POLQ: variants seen among roughly 807,000 people sequenced by gnomAD.
POLQ encodes the protein DNA polymerase theta.
A neutral mutation model predicts 259.2 loss-of-function variants in POLQ; 233 were observed. The ratio of observed to expected loss-of-function variants is 0.90; its 90% CI spans 0.81 to 1.00. POLQ has a LOEUF of 1.00. Ranked by LOEUF, POLQ falls within the 50% of genes least tolerant of loss-of-function variation. The pLI is 0.00. For synonymous variants in POLQ, 1,025 were observed against 1,048.8 expected (o/e 0.98, Z 0.44); for missense variants, 2,871 against 3,051.6 (o/e 0.94, Z 1.39).
chr3:121,545,001 G>A (rs1248087091), intron 1 of POLQ, 95 bp from the exon 2 acceptor site: 3 of 712,202 alleles, frequency 4.2e-6, no homozygotes, highest in African/African-American at 3.6e-5. Context: ...CCTATGTGTT[G>A]AAATGAAGCT....
In POLQ at chr3:121,496,980, T is replaced by A. The variant is rs748749002; in HGVS notation, c.2154-48A>T. ...GTGGTAAGAGATCCTTCACGTCTAC[T>A]AGGCGATACAGTGTGTTGAAAAATG... On this transcript the variant is annotated intron_variant, in intron 13 of 29. Coordinates refer to ENST00000264233, the MANE Select transcript of POLQ (RefSeq NM_199420.4). The A allele has an allele frequency of 2.5e-6, 4 of 1,597,124 alleles. No homozygotes were observed. The African/African-American group carries it at 4.0e-5, about 16-fold the overall frequency.
chr3:121,529,763 AC>A lies in POLQ; in HGVS notation c.989del (p.Cys330PhefsTer43). 1 of 1,612,158 alleles carries A rather than the reference AC, an allele frequency of 6.2e-7. No individual in the cohort carries two copies. On this transcript the variant is annotated frameshift_variant, in exon 7 of 30. Coordinates refer to ENST00000264233, the MANE Select transcript of POLQ (RefSeq NM_199420.4). LOFTEE classifies it high-confidence loss of function. ...AATGGTTATCACAAATCGTCTCATA[AC>A]ATAAACTAACAACATGGTCCTCATC... ...KGDEDHVVSL[C>X]YETICDNHSV... is the part of the protein sequence containing the mutation.
intron 14 of POLQ, chr3:121,494,864 C>T (rs1576416836): frequency 1.3e-6 from 2 of 1,584,756 alleles, no homozygotes; most frequent in Non-Finnish European, 1.7e-6. Flanking sequence ...TATCACCAAG[C>T]TCGAAAAGGC....
chr3:121,525,678 G>T (rs755957568), intron 7 of POLQ, among the ~76,000 whole-genome samples: 2 of 152,168 alleles, frequency 1.3e-5, no homozygotes, highest in African/African-American at 4.8e-5. Flanking sequence ...CATAAAAAAA[G>T]TCAGAAGCAG....
chr3:121,518,491 C>T (rs1032428618), intron 9 of POLQ, among the ~76,000 whole-genome samples: 1 of 152,198 alleles, frequency 6.6e-6, no homozygotes, highest in Non-Finnish European at 1.5e-5. Flanking sequence ...TTTCGCAGAT[C>T]TGCATATGTC....
At chr3:121,436,988 C>G (rs2047549393) in intron 27 of POLQ, among the ~76,000 whole-genome samples, 1 of 151,936 alleles carries the variant, frequency 6.6e-6, no homozygotes, top group Non-Finnish European at 1.5e-5. Flanking sequence ...ATTCCCGGTG[C>G]CCCAAAATAT....
In POLQ at chr3:121,488,936, A is replaced by G. The variant is rs764440273; in HGVS notation, c.3995T>C (p.Ile1332Thr). The G allele has an allele frequency of 1.9e-6, 3 of 1,614,118 alleles. No homozygotes were observed. The highest frequency in any genetic ancestry group is 2.5e-6 in the Non-Finnish European group (3 of 1,179,970). ...FYLDTQSEKI[I>T]QQMATENAKL... ...GGCATTTTCAGTTGCCATCTGTTGT[A>G]TTATTTTCTCTGACTGAGTATCCAG... Residue 1332 changes from isoleucine (I) to threonine (T), a missense_variant, in exon 16 of 30, where the codon ATA (isoleucine) becomes ACA (threonine). Ile to Thr is a moderately conservative substitution (Grantham distance 89). Transcript: ENST00000264233.
chr3:121,539,974 C>G (rs2048479150), intron 3 of POLQ, among the ~76,000 whole-genome samples: 1 of 151,918 alleles, frequency 6.6e-6, no homozygotes, highest in South Asian at 2.1e-4. Context: ...GGAAAATAGT[C>G]TCATTATCCT....
chr3:121,465,055 C>T (rs907469568), intron 24 of POLQ, among the ~76,000 whole-genome samples: 2 of 151,212 alleles, frequency 1.3e-5, no homozygotes, highest in Non-Finnish European at 2.9e-5. Context: ...TTCTGGTACT[C>T]AATTCAGTTA....
intron 25 of POLQ, among the ~76,000 whole-genome samples, chr3:121,457,786 G>T (rs1349455550): frequency 6.6e-6 from 1 of 152,138 alleles, no homozygotes; most frequent in Non-Finnish European, 1.5e-5. Flanking sequence ...CACTGTTGGT[G>T]GGACTGTAAA....
chr3:121,494,079 T>C (rs749662382), intron 14 of POLQ: 10 of 671,892 alleles, frequency 1.5e-5, no homozygotes, highest in Admixed American at 4.7e-5. Flanking sequence ...CTTAAAAACA[T>C]GTAAAGGTCT....
chr3:121,482,166 GCTA>G (rs1164138603), intron 18 of POLQ, among the ~76,000 whole-genome samples: 3 of 152,168 alleles, frequency 2.0e-5, no homozygotes, highest in Admixed American at 6.5e-5. Context: ...TTTGGGCTAA[GCTA>G]CTGTAATAAA....
At position 121,516,120 on chromosome 3, in the gene POLQ, A is replaced by G. The variant is rs149355935; in HGVS notation, c.1468+3751T>C. Among the ~76,000 whole-genome samples the G allele has an allele frequency of 2.2e-4, 33 of 152,064 alleles. No individual in the cohort carries two copies. In the East Asian group the frequency reaches 3.5e-3, roughly 16 times the overall value. ...GTTGGAGGGATGAGAAGATGGTCAA[A>G]GAGTACAATGTTTCAGTTAGACAGG... On this transcript the variant is annotated intron_variant, in intron 9 of 29. Transcript: ENST00000264233.
intron 28 of POLQ, among the ~76,000 whole-genome samples, 171 bp from the exon 29 acceptor site, chr3:121,433,204 C>T (rs935178732): frequency 2.6e-5 from 4 of 152,134 alleles, no homozygotes; most frequent in South Asian, 2.1e-4. Context: ...CCTAAGTATC[C>T]GGTATAAACT....
intron 25 of POLQ, among the ~76,000 whole-genome samples, chr3:121,451,416 G>GT (rs2047675371): frequency 6.6e-6 from 1 of 152,172 alleles, no homozygotes; most frequent in African/African-American, 2.4e-5. Context: ...CATCTTAGTG[G>GT]TTTTATCTAC....
At chr3:121,462,058 G>A (rs190208962) in intron 24 of POLQ, among the ~76,000 whole-genome samples, 9 of 152,196 alleles carry the variant, frequency 5.9e-5, no homozygotes, top group Admixed American at 3.9e-4. Flanking sequence ...CAAACGTCAC[G>A]CTCACTGGGG....
At chr3:121,475,635 G>T (rs1417945579) in intron 20 of POLQ, among the ~76,000 whole-genome samples, 1 of 152,038 alleles carries the variant, frequency 6.6e-6, no homozygotes, top group Non-Finnish European at 1.5e-5. Context: ...ATTTTTTTGG[G>T]GGGGTGAAGC....
At chr3:121,504,828 C>T (rs1473752946) in intron 12 of POLQ, among the ~76,000 whole-genome samples, 1 of 152,142 alleles carries the variant, frequency 6.6e-6, no homozygotes, top group Non-Finnish European at 1.5e-5. Context: ...CACTAGCCTT[C>T]TCTCAGATGA....
chr3:121,545,450 T>C (rs906825581), intron 1 of POLQ, among the ~76,000 whole-genome samples: 1 of 152,046 alleles, frequency 6.6e-6, no homozygotes, highest in Non-Finnish European at 1.5e-5. Context: ...CAACAGATGA[T>C]GGGATGAAGC....
Sources: gnomAD v4.1 joint callset for allele counts (sites outside exome capture counted in the v4.1 genomes callset) on GRCh38, gnomAD v4.1.1 for gene constraint, MANE v1.5 for transcripts, NCBI Gene and HGNC (gene_info 2026-07-23, HGNC 2026-07-21) for gene names.